The following HBP1 variants were observed in gnomAD, a reference collection of about 807,000 sequenced individuals.
HBP1 encodes HMG box-containing protein 1.
A neutral mutation model predicts 62.6 loss-of-function variants in HBP1; 20 were observed. That is an observed-to-expected ratio of 0.32 (90% CI 0.22 to 0.46). The LOEUF is 0.46. Ranked by LOEUF, HBP1 falls within the 20% of genes least tolerant of loss-of-function variation. The pLI is 1.00. For missense variants in HBP1, 480 were observed against 611.8 expected, an observed-to-expected ratio of 0.78 and a Z score of 2.27; for synonymous variants, 232 against 206.2, an observed-to-expected ratio of 1.12 and a Z score of -1.07.
intron 1 of HBP1, among the ~76,000 whole-genome samples, chr7:107,169,490 G>A (rs1584466316): frequency 7.0e-6 from 1 of 142,922 alleles, no homozygotes; most frequent in East Asian, 2.3e-4. Context: ...CGGGTGTGGA[G>A]ATGGGGCGGG....
At position 107,189,550 on chromosome 7, in the gene HBP1, A is replaced by C. The variant is rs150797034; in HGVS notation, c.922+102A>C. On this transcript the variant is annotated intron_variant, in intron 7 of 10. Coordinates refer to ENST00000222574, the MANE Select transcript of HBP1 (RefSeq NM_012257.4). ...ATGATTAAGAAAAAATTTGAGGGGAAAACGTCTTTCAAACTAAATAAAAAA... is the reference window on the plus strand; with the variant it reads ...ATGATTAAGAAAAAATTTGAGGGGACAACGTCTTTCAAACTAAATAAAAAA... 3.7e-3 allele frequency: 3,106 copies of C among 833,708 alleles called. 28 individuals carry two copies. The highest frequency in any genetic ancestry group is 0.036 in the East Asian group (1,410 of 38,728). 51.6% of individuals were successfully genotyped at this position (833,708 alleles called of 1,614,324 possible).
intron 1 of HBP1, among the ~76,000 whole-genome samples, chr7:107,177,640 AT>A (rs1796918292): frequency 6.6e-6 from 1 of 152,238 alleles, no homozygotes; most frequent in African/African-American, 2.4e-5. Context: ...TCTGATGTAT[AT>A]TTAACCATTT....
Position 107,196,035 on chromosome 7 carries a change from A to AGGGAC in HBP1, c.1270_1274dup (p.Val426GlyfsTer3). On this transcript the variant is annotated frameshift_variant, in exon 9 of 11. Transcript: ENST00000222574. LOFTEE classifies it high-confidence loss of function. ...CTAAAGCTGTCAAAAACCACAGCTCAGGGACTGTGAGTGCCACTTCTCCTA... is the reference window on the plus strand; with the variant it reads ...CTAAAGCTGTCAAAAACCACAGCTCAGGGACGGGACTGTGAGTGCCACTTCTCCTA... 1 of 1,613,212 alleles carries AGGGAC rather than the reference A, an allele frequency of 6.2e-7. No homozygotes were observed. The highest frequency in any genetic ancestry group is 8.5e-7 in the Non-Finnish European group (1 of 1,179,118).
rs545429811 is a variant in HBP1, at chr7:107,180,498, A to G, written c.169+436A>G. ...CTATTGCTAAACTACTCCTGGAGAT[A>G]TGTGACCTTTAGAAATGTGTAAGTT... On this transcript the variant is annotated intron_variant, in intron 2 of 10. Transcript: ENST00000222574. Among the ~76,000 whole-genome samples the G allele has an allele frequency of 4.1e-4, 62 of 152,330 alleles. 1 individual carries two copies. In the South Asian group the frequency reaches 0.012, roughly 31 times the overall value.
rs1409617121 is a variant in HBP1 at position 107,169,055 on chromosome 7, T to A, written c.-146T>A. ...AAGTAGGAAAGTTTCGGTTGAGGAG[T>A]AAGAGCTGCCGCGGGAGCAGTAACC... is the stretch of plus-strand genomic sequence containing the variant. On this transcript the variant is annotated 5_prime_UTR_variant, in exon 1 of 11. An upstream open reading frame in the 5' UTR loses its in-frame stop. Transcript: ENST00000222574. The A allele has an allele frequency of 7.8e-7, 1 of 1,286,504 alleles. No homozygotes were observed. The allele number at this position is 1,286,504 out of a possible 1,614,324, so 79.7% of individuals were successfully genotyped here. A position where few individuals can be genotyped will look rare whatever the true frequency, so the allele number is the denominator to read the frequency against.
intron 1 of HBP1, among the ~76,000 whole-genome samples, chr7:107,171,071 A>ATGTTTTTTTTTTT (rs1160740045): frequency 1.2e-5 from 1 of 84,308 alleles, no homozygotes. Context: ...ATATATATAT[A>ATGTTTTTTTTTTT]TATTTTTTTT....
At position 107,201,548 on chromosome 7, in the gene HBP1, G is replaced by A; in HGVS notation, c.*117G>A. Reference sequence around the variant, plus strand: ...TCAATTCGTGTGACCATAAGATACTGATAGCATTGAGTCTTGAAATGATTT... The same window carrying A: ...TCAATTCGTGTGACCATAAGATACTAATAGCATTGAGTCTTGAAATGATTT... On this transcript the variant is annotated 3_prime_UTR_variant, in exon 11 of 11. Transcript: ENST00000222574. 1.7e-6 allele frequency: 1 copy of A among 576,616 alleles called. No individual in the cohort carries two copies. The highest frequency in any genetic ancestry group is 3.2e-6 in the Non-Finnish European group (1 of 313,316). The allele number at this position is 576,616 out of a possible 1,614,324, so 35.7% of individuals were successfully genotyped here.
At chr7:107,196,456 G>A (rs1043161213) in intron 9 of HBP1, 2 of 359,986 alleles carry the variant, frequency 5.6e-6, no homozygotes, top group Non-Finnish European at 1.1e-5. Flanking sequence ...TTTTAGTAGA[G>A]ACAGGGTTTC....
At chr7:107,189,521 T>A in intron 7 of HBP1, 73 bp downstream of exon 7, 3 of 1,196,950 alleles carry the variant, frequency 2.5e-6, no homozygotes, top group Non-Finnish European at 3.5e-6. Flanking sequence ...TGTCTGTAGC[T>A]TTGATGATTA....
chr7:107,191,944 T>C (rs1464867505), intron 8 of HBP1, among the ~76,000 whole-genome samples: 2 of 152,046 alleles, frequency 1.3e-5, no homozygotes, highest in African/African-American at 4.8e-5. Flanking sequence ...AAAATACTAA[T>C]ACAAAGCAAA....
At chr7:107,185,521 T>C (rs954289225) in intron 3 of HBP1, among the ~76,000 whole-genome samples, 1 of 152,144 alleles carries the variant, frequency 6.6e-6, no homozygotes, top group Non-Finnish European at 1.5e-5. Flanking sequence ...TGTATATGTA[T>C]TGATAGAAAA....
chr7:107,194,833 G>T (rs987913305), intron 8 of HBP1, among the ~76,000 whole-genome samples: 1 of 152,192 alleles, frequency 6.6e-6, no homozygotes, highest in Non-Finnish European at 1.5e-5. Flanking sequence ...GAACAAAAGA[G>T]AATTCTTTAG....
rs1035429276 is a variant in HBP1 at position 107,202,168 on chromosome 7, C to G, written c.*737C>G. Reference sequence around the variant, plus strand: ...TGGTGCTATTAACAAACAGTCAACACCATTGTATTTTTTAACTTCGTGTTC... The same window carrying G: ...TGGTGCTATTAACAAACAGTCAACAGCATTGTATTTTTTAACTTCGTGTTC... On this transcript the variant is annotated 3_prime_UTR_variant, in exon 11 of 11. Transcript: ENST00000222574. 4 of 152,614 alleles carry G rather than the reference C, an allele frequency of 2.6e-5. No individual in the cohort carries two copies. Among genetic ancestry groups the G allele is most frequent in the African/African-American group, 9.7e-5 (4 of 41,422 alleles). 9.5% of individuals were successfully genotyped at this position (152,614 alleles called of 1,614,324 possible).
rs902106399 is a variant in HBP1 at position 107,169,154 on chromosome 7, C to T, written c.-47C>T. 6 of 1,175,696 alleles carry T rather than the reference C, an allele frequency of 5.1e-6. No homozygotes were observed. The African/African-American group carries it at 8.1e-5, about 16-fold the overall frequency. 72.8% of individuals were successfully genotyped at this position (1,175,696 alleles called of 1,614,324 possible). ...GGTGGTGTTGTCGTGGCCGGAGCGG[C>T]CCGCGCCTGGGCTGCCGGCACTTCG... On this transcript the variant is annotated 5_prime_UTR_variant, in exon 1 of 11. Transcript: ENST00000222574.
chr7:107,174,546 A>G (rs574808152), intron 1 of HBP1: 2 of 985,358 alleles, frequency 2.0e-6, no homozygotes, highest in Admixed American at 1.2e-4. Context: ...AATGTTGGAA[A>G]CTGCAGGACC....
chr7:107,185,871 T>C lies in HBP1; in HGVS notation c.469T>C (p.Ser157Pro). The C allele has an allele frequency of 6.2e-7, 1 of 1,612,902 alleles. No homozygotes were observed. The highest frequency in any genetic ancestry group is 1.1e-5 in the South Asian group (1 of 91,054). ...CTATGCACGCCCTCCACCAGTGTCC[T>C]CTTCTTCGAAGAGTGAACCAGCCTT... is the stretch of plus-strand genomic sequence containing the variant. ...HSYARPPPVS[S>P]SSKSEPAFPH... The change falls in exon 4 of 11, where the codon TCT (serine) becomes CCT (proline). Residue 157 changes from serine (S) to proline (P), a missense_variant. Ser to Pro is a moderately conservative substitution (Grantham distance 74). This residue lies in a region of HBP1 where 304 missense variants were observed against 330.9 expected (regional missense o/e 0.92). Transcript: ENST00000222574.
intron 1 of HBP1, among the ~76,000 whole-genome samples, chr7:107,176,655 G>T (rs77150993): frequency 0.16 from 23,698 of 150,568 alleles, 2,325 homozygotes; most frequent in Non-Finnish European, 0.22. Flanking sequence ...GTATGATTTC[G>T]TGTGCCACAG....
intron 1 of HBP1, among the ~76,000 whole-genome samples, chr7:107,176,657 G>A (rs1306270900): frequency 1.3e-5 from 2 of 150,084 alleles, no homozygotes; most frequent in Non-Finnish European, 3.0e-5. Context: ...ATGATTTCGT[G>A]TGCCACAGAG....
chr7:107,174,594 GA>G, intron 1 of HBP1: 3 of 985,586 alleles, frequency 3.0e-6, no homozygotes, highest in Non-Finnish European at 3.6e-6. Flanking sequence ...TGGAAAGAAT[GA>G]GGAAACCAAA....
Sources: allele counts gnomAD v4.1 joint callset (sites outside exome capture counted in the v4.1 genomes callset), GRCh38; gene constraint gnomAD v4.1.1; regional missense constraint gnomAD v4.1.1; transcripts MANE v1.5; gene names NCBI Gene and HGNC (gene_info 2026-07-23, HGNC 2026-07-21).